The following RUBCN variants were observed in gnomAD, a reference collection of about 807,000 sequenced individuals.
The protein encoded by RUBCN is run domain Beclin-1-interacting and cysteine-rich domain-containing protein.
Under a neutral mutation model 113.2 loss-of-function variants are expected in RUBCN, and 74 were observed. The ratio of observed to expected loss-of-function variants is 0.65; its 90% CI spans 0.54 to 0.79. The LOEUF is 0.79. Among genes scored for constraint, RUBCN ranks in the 30% least tolerant of loss-of-function variants. The pLI is 0.00. For synonymous variants in RUBCN, 480 were observed against 490.0 expected (o/e 0.98, Z 0.27); for missense variants, 1,109 against 1,251.7 (o/e 0.89, Z 1.72).
At chr3:197,739,825 CAGG>C (rs1242390604), upstream of RUBCN, among the ~76,000 whole-genome samples, 2 of 152,186 alleles carry the variant, frequency 1.3e-5, no homozygotes, top group Non-Finnish European at 2.9e-5. Flanking sequence ...CACTTGACAC[CAGG>C]AGTTCGAAAC....
intron 18 of RUBCN, 185 bp downstream of exon 18, chr3:197,676,700 C>T: frequency 1.4e-6 from 2 of 1,458,872 alleles, no homozygotes; most frequent in Non-Finnish European, 1.8e-6. Context: ...ACTCGAGGTT[C>T]TTTAGATCAG....
At chr3:197,714,014 T>C (rs1027933817) in intron 2 of RUBCN, among the ~76,000 whole-genome samples, 2 of 151,886 alleles carry the variant, frequency 1.3e-5, no homozygotes, top group Non-Finnish European at 2.9e-5. Flanking sequence ...AGGCAGAGCT[T>C]GCAGTGAGCT....
intron 1 of RUBCN, among the ~76,000 whole-genome samples, chr3:197,730,352 A>T (rs1727273093): frequency 6.6e-6 from 1 of 152,074 alleles, no homozygotes; most frequent in Non-Finnish European, 1.5e-5. Context: ...TCAGTCCAAA[A>T]AGAGTCAGCC....
Position 197,704,682 on chromosome 3 carries a change from T to G in RUBCN, c.323A>C (p.Asn108Thr). Residue 108 changes from asparagine to threonine, a missense_variant, in exon 4 of 20, where the codon AAC becomes ACC. Coordinates refer to ENST00000296343, the MANE Select transcript of RUBCN (RefSeq NM_014687.4). ...GGCACCATCAGCACTGCTCTGGTCGTTCTCGTGCACGCTGATGAACTGGGA... is the reference window on the plus strand; with the variant it reads ...GGCACCATCAGCACTGCTCTGGTCGGTCTCGTGCACGCTGATGAACTGGGA... The part of the protein sequence containing the change: ...HVEKFISVHE[N>T]DQSSADGASE... The G allele has an allele frequency of 6.2e-7, 1 of 1,614,026 alleles. No individual in the cohort carries two copies. The highest frequency in any genetic ancestry group is 8.5e-7 in the Non-Finnish European group (1 of 1,180,012).
At chr3:197,736,131 C>A (rs189001307) in intron 1 of RUBCN, among the ~76,000 whole-genome samples, 2 of 152,156 alleles carry the variant, frequency 1.3e-5, no homozygotes, top group East Asian at 1.9e-4. Context: ...CCATGACACT[C>A]GCTCACTTTC....
At chr3:197,727,810 T>A (rs1000371025) in intron 1 of RUBCN, among the ~76,000 whole-genome samples, 2 of 152,218 alleles carry the variant, frequency 1.3e-5, no homozygotes, top group African/African-American at 4.8e-5. Flanking sequence ...AGAAAGACAA[T>A]CTTATTACTT....
chr3:197,705,181 A>G lies in RUBCN; in HGVS notation c.220-6T>C. The G allele has an allele frequency of 2.5e-6, 4 of 1,613,274 alleles. No individual in the cohort carries two copies. The highest frequency in any genetic ancestry group is 3.4e-6 in the Non-Finnish European group (4 of 1,179,232). ...TCCGTCTGGCGGCGGCACGCCTGCA[A>G]AGGGAACACATACAATGAGCAAATC... is the stretch of plus-strand genomic sequence containing the variant. On this transcript the variant is annotated splice_region_variant and splice_polypyrimidine_tract_variant and intron_variant, in intron 2 of 19. Coordinates refer to ENST00000296343, the MANE Select transcript of RUBCN (RefSeq NM_014687.4).
Position 197,683,322 on chromosome 3 carries a change from A to G in RUBCN, c.1965T>C (p.His655=). 2.5e-6 allele frequency: 4 copies of G among 1,614,152 alleles called. No individual in the cohort carries two copies. Among genetic ancestry groups the G allele is most frequent in the Non-Finnish European group, 3.4e-6 (4 of 1,180,014 alleles). Residue 655 remains histidine (H), a synonymous_variant, in exon 13 of 20, where the codon CAT becomes CAC. Coordinates refer to ENST00000296343, the MANE Select transcript of RUBCN (RefSeq NM_014687.4). The surrounding 1 kb of genome is among the most constrained non-coding windows in gnomAD (Gnocchi z 4.6). ...AAGGACCTACCTTCTGAGGGGCATC[A>G]TGCTCCGGGACAAGCCACTCCAGCT... ...ASELEWLVPE[H]DAPQKLLPIP...
rs1560443507 is a variant in RUBCN, at chr3:197,707,081, CGCCTG to C, written c.220-1911_220-1907del. Among the ~76,000 whole-genome samples, 33 of 143,990 alleles carry C rather than the reference CGCCTG, an allele frequency of 2.3e-4. 1 individual carries two copies. The highest frequency in any genetic ancestry group is 9.8e-4 in the African/African-American group (33 of 33,808). The allele number at this position is 143,990 out of a possible 152,430, so 94.5% of individuals were successfully genotyped here. On this transcript the variant is annotated intron_variant, in intron 2 of 19. Transcript: ENST00000296343. ...AATTGTGGCCGGGCGCGGTGGCTCA[CGCCTG>C]TAATCCCAGCACTTTGGGAGGCCGA...
intron 11 of RUBCN, among the ~76,000 whole-genome samples, chr3:197,687,196 A>G (rs1489140418): frequency 1.3e-5 from 2 of 152,236 alleles, no homozygotes; most frequent in African/African-American, 2.4e-5. Context: ...CAACTTCAAC[A>G]CATTTTCTGT....
At chr3:197,709,945 C>T (rs140208320) in intron 2 of RUBCN, among the ~76,000 whole-genome samples, 11,484 of 151,470 alleles carry the variant, frequency 0.076, 494 homozygotes, top group Middle Eastern at 0.11. Context: ...CAGAGGCAGG[C>T]GGATCACTTG....
At position 197,701,842 on chromosome 3, in the gene RUBCN, G is replaced by C. The variant is rs145980033; in HGVS notation, c.593C>G (p.Pro198Arg). 1 of 1,613,982 alleles carries C rather than the reference G, an allele frequency of 6.2e-7. No individual in the cohort carries two copies. The highest frequency in any genetic ancestry group is 1.3e-5 in the African/African-American group (1 of 74,898). Residue 198 changes from proline to arginine, a missense_variant, in exon 6 of 20, where the codon CCG becomes CGG. Pro to Arg is a moderately radical substitution (Grantham distance 103). Around this residue, in one of 3 missense-constraint regions of RUBCN, gnomAD observed 736 missense variants for 779.6 expected, o/e 0.94. Transcript: ENST00000296343. The part of the protein sequence containing the change: ...ASMFARKHES[P>R]LLVTKSQSLT... ...GCTCTGGCTCTTTGTCACCAGGAGCGGGCTCTCGTGCTTTCTGGCAAACTA... is the reference window on the plus strand; with the variant it reads ...GCTCTGGCTCTTTGTCACCAGGAGCCGGCTCTCGTGCTTTCTGGCAAACTA...
intron 6 of RUBCN, among the ~76,000 whole-genome samples, chr3:197,701,358 G>A (rs371738071): frequency 6.6e-6 from 1 of 152,170 alleles, no homozygotes; most frequent in South Asian, 2.1e-4. Flanking sequence ...TCTGAAAAAT[G>A]AGCAGTAAGA....
At chr3:197,743,216 A>G (rs56317901) in intron 1 of RUBCN, among the ~76,000 whole-genome samples, 40 of 140,822 alleles carry the variant, frequency 2.8e-4, no homozygotes, top group African/African-American at 6.4e-4. Context: ...TGTTCTCTGC[A>G]GTATCCCCAG....
At position 197,683,623 on chromosome 3, in the gene RUBCN, C is replaced by G. The variant is rs1476955245; in HGVS notation, c.1848-184G>C. On this transcript the variant is annotated intron_variant, in intron 12 of 19. Transcript: ENST00000296343. The surrounding 1 kb of genome is among the most constrained non-coding windows in gnomAD (Gnocchi z 4.6). ...GTCCACTAGTCTCACGGTCCTAAGA[C>G]TTCGGTTCAAGCCCCACTTCCTGCC... Among the ~76,000 whole-genome samples the G allele has an allele frequency of 6.6e-6, 1 of 152,200 alleles. No individual in the cohort carries two copies. The highest frequency in any genetic ancestry group is 1.5e-5 in the Non-Finnish European group (1 of 68,046).
intron 5 of RUBCN, among the ~76,000 whole-genome samples, chr3:197,703,201 G>A (rs538760003): frequency 2.0e-4 from 30 of 151,514 alleles, no homozygotes; most frequent in South Asian, 1.3e-3. Flanking sequence ...GATCGAGACC[G>A]TCCTGGCCAA....
intron 18 of RUBCN, chr3:197,676,567 C>A (rs1010821257): frequency 2.4e-5 from 29 of 1,207,236 alleles, no homozygotes; most frequent in Non-Finnish European, 3.0e-5. Flanking sequence ...CCCACCTCGG[C>A]CTCCCAAATT....
chr3:197,687,382 T>C (rs1157404330), intron 11 of RUBCN, among the ~76,000 whole-genome samples: 1 of 152,248 alleles, frequency 6.6e-6, no homozygotes, highest in Non-Finnish European at 1.5e-5. Context: ...ACGTTCCTTT[T>C]TATCTGTTAT....
intron 1 of RUBCN, among the ~76,000 whole-genome samples, chr3:197,747,214 C>T (rs900415469): frequency 6.6e-6 from 1 of 152,082 alleles, no homozygotes; most frequent in African/African-American, 2.4e-5. Context: ...TTGCCTTTCC[C>T]TCTGGAATCT....
Sources: allele counts gnomAD v4.1 joint callset (sites outside exome capture counted in the v4.1 genomes callset), GRCh38; gene constraint gnomAD v4.1.1; regional missense constraint gnomAD v4.1.1; non-coding constraint Gnocchi (gnomAD v3.1); transcripts MANE v1.5; gene names NCBI Gene and HGNC (gene_info 2026-07-23, HGNC 2026-07-21).